TTC29: variants seen among roughly 807,000 people sequenced by gnomAD.
TTC29 encodes tetratricopeptide repeat domain 29.
A neutral mutation model predicts 58.1 loss-of-function variants in TTC29; 49 were observed. The ratio of observed to expected loss-of-function variants is 0.84; its 90% confidence interval spans 0.67 to 1.07. The LOEUF (loss-of-function observed/expected upper bound fraction) is 1.07. TTC29 is among the 50% of genes least tolerant of loss of function. TTC29 has a pLI of 0.00. For missense variants in TTC29, 582 were observed against 555.6 expected (o/e 1.05, Z -0.48); for synonymous variants, 209 against 196.8 (o/e 1.06, Z -0.52).
chr4:146,723,342 T>C (rs1743516094), intron 11 of TTC29, among the ~76,000 whole-genome samples: 1 of 152,100 alleles, frequency 6.6e-6, no homozygotes, highest in Non-Finnish European at 1.5e-5. Context: ...AAATAATTTA[T>C]GACTCAGTCC....
chr4:146,825,317 G>C (rs1435409677), intron 9 of TTC29, among the ~76,000 whole-genome samples: 2 of 152,088 alleles, frequency 1.3e-5, no homozygotes, highest in South Asian at 4.1e-4. Flanking sequence ...GCTCTCATTG[G>C]TTTCAAAGAA....
chr4:146,873,654 G>T (rs1347019395), intron 7 of TTC29, among the ~76,000 whole-genome samples: 1 of 152,188 alleles, frequency 6.6e-6, no homozygotes, highest in Non-Finnish European at 1.5e-5. Flanking sequence ...CTAACTCTGT[G>T]TTTACCCCTT....
At chr4:146,824,570 T>G (rs924182912) in intron 9 of TTC29, among the ~76,000 whole-genome samples, 1 of 152,142 alleles carries the variant, frequency 6.6e-6, no homozygotes, top group Non-Finnish European at 1.5e-5. Context: ...TTCTTTTTTT[T>G]TGTGGTGTCT....
chr4:146,835,341 G>A (rs1285918700), intron 8 of TTC29, among the ~76,000 whole-genome samples: 2 of 152,122 alleles, frequency 1.3e-5, no homozygotes, highest in Non-Finnish European at 2.9e-5. Flanking sequence ...ATGAATTGAC[G>A]TAGACCTTTC....
chr4:146,927,080 CAA>C (rs55786171), intron 4 of TTC29, among the ~76,000 whole-genome samples: 9 of 110,046 alleles, frequency 8.2e-5, no homozygotes, highest in Admixed American at 9.9e-5. Flanking sequence ...GACCCCATCT[CAA>C]AAAAAAAAAA....
intron 8 of TTC29, among the ~76,000 whole-genome samples, chr4:146,837,415 G>C (rs923787401): frequency 6.6e-6 from 1 of 152,020 alleles, no homozygotes; most frequent in African/African-American, 2.4e-5. Flanking sequence ...GTACCCAGGT[G>C]ATGAAATAAT....
chr4:146,889,580 A>G (rs1396917565), intron 6 of TTC29, among the ~76,000 whole-genome samples: 1 of 152,146 alleles, frequency 6.6e-6, no homozygotes, highest in Non-Finnish European at 1.5e-5. Context: ...TGAAAGAGAA[A>G]ATAAAATACC....
chr4:146,776,715 G>T (rs1000931323), intron 11 of TTC29, among the ~76,000 whole-genome samples: 2 of 152,200 alleles, frequency 1.3e-5, no homozygotes, highest in South Asian at 2.1e-4. Flanking sequence ...CTTCATTGGG[G>T]CAGTGGGATC....
intron 11 of TTC29, among the ~76,000 whole-genome samples, chr4:146,760,331 A>G (rs549708005): frequency 9.9e-5 from 15 of 152,276 alleles, no homozygotes; most frequent in African/African-American, 3.6e-4. Context: ...ATGGACGGGT[A>G]GAATCAATAT....
intron 11 of TTC29, among the ~76,000 whole-genome samples, chr4:146,744,652 G>A (rs1745411024): frequency 6.6e-6 from 1 of 152,110 alleles, no homozygotes; most frequent in Admixed American, 6.5e-5. Flanking sequence ...GAGCAGGATG[G>A]GTGGCAGCCT....
At chr4:146,728,839 A>ATATATATGTGTATATATACG (rs1744074927) in intron 11 of TTC29, among the ~76,000 whole-genome samples, 5 of 85,564 alleles carry the variant, frequency 5.8e-5, no homozygotes, top group Non-Finnish European at 1.2e-4. Context: ...ATATATACAC[A>ATATATATGTGTATATATACG]TATATATGTA....
At chr4:146,754,261 A>G (rs1393506470) in intron 11 of TTC29, among the ~76,000 whole-genome samples, 1 of 152,048 alleles carries the variant, frequency 6.6e-6, no homozygotes, top group African/African-American at 2.4e-5. Context: ...CTAGAAAAAT[A>G]AAGCCTACCA....
chr4:146,778,556 T>C (rs1748292440), intron 11 of TTC29, among the ~76,000 whole-genome samples: 2 of 152,190 alleles, frequency 1.3e-5, no homozygotes, highest in Non-Finnish European at 2.9e-5. Flanking sequence ...ATAATATGTG[T>C]TTTCCTATTG....
chr4:146,944,698 G>A (rs1306034760), intron 2 of TTC29, among the ~76,000 whole-genome samples: 1 of 151,962 alleles, frequency 6.6e-6, no homozygotes, highest in Non-Finnish European at 1.5e-5. Flanking sequence ...AAAACAAGTA[G>A]GATTTTACTA....
At chr4:146,727,758 TGGTTGCTTC>T (rs1176531938) in intron 11 of TTC29, among the ~76,000 whole-genome samples, 4 of 152,210 alleles carry the variant, frequency 2.6e-5, no homozygotes, top group Non-Finnish European at 4.4e-5. Context: ...GAAGAACATT[TGGTTGCTTC>T]CAAGTTTTGG....
intron 11 of TTC29, among the ~76,000 whole-genome samples, chr4:146,797,378 A>T (rs1749899610): frequency 6.6e-6 from 1 of 152,190 alleles, no homozygotes; most frequent in South Asian, 2.1e-4. Context: ...CAGATTTCAA[A>T]ATGAATCCCT....
chr4:146,898,918 C>T (rs551930669), intron 6 of TTC29, among the ~76,000 whole-genome samples: 134 of 152,238 alleles, frequency 8.8e-4, no homozygotes, highest in African/African-American at 3.2e-3. Flanking sequence ...TCCTGCACAG[C>T]TCAATGTAAA....
chr4:146,803,800 A>G, intron 10 of TTC29, 115 bp from the exon 11 acceptor site: 1 of 733,976 alleles, frequency 1.4e-6, no homozygotes, highest in Non-Finnish European at 2.1e-6. Context: ...ACAGCAGTTC[A>G]TCTTCAAGAA....
At chr4:146,922,193 T>C (rs1252538428) in intron 4 of TTC29, among the ~76,000 whole-genome samples, 2 of 151,156 alleles carry the variant, frequency 1.3e-5, no homozygotes, top group African/African-American at 4.8e-5. Context: ...TAGATTTAAG[T>C]GCATTTTCTA....
Sources: gnomAD v4.1 joint callset for allele counts (sites outside exome capture counted in the v4.1 genomes callset) on GRCh38, gnomAD v4.1.1 for gene constraint, MANE v1.5 for transcripts, NCBI Gene and HGNC (gene_info 2026-07-23, HGNC 2026-07-21) for gene names.